Variants in CNTN5 observed in about 807,000 individuals in gnomAD.
CNTN5 encodes the protein contactin-5.
CNTN5 carries 77 observed loss-of-function variants against 129.1 expected under a neutral mutation model. That is an observed-to-expected ratio of 0.60 (90% CI 0.50 to 0.72). The LOEUF is 0.72. Among genes scored for constraint, CNTN5 ranks in the 30% least tolerant of loss-of-function variants. The pLI is 0.00. For synonymous variants in CNTN5, 509 were observed against 465.6 expected (o/e 1.09, Z -1.20); for missense variants, 1,478 against 1,328.8 (o/e 1.11, Z -1.75).
intron 7 of CNTN5, among the ~76,000 whole-genome samples, chr11:99,948,647 T>G (rs1950605295): frequency 6.6e-6 from 1 of 152,214 alleles, no homozygotes; most frequent in South Asian, 2.1e-4. Flanking sequence ...ATTCTTAAGT[T>G]ATTGGCAACT....
chr11:99,916,622 T>C (rs1260147674), intron 7 of CNTN5, among the ~76,000 whole-genome samples: 1 of 152,132 alleles, frequency 6.6e-6, no homozygotes, highest in East Asian at 1.9e-4. Context: ...AAAACTGCAA[T>C]TTAGTTAGTA....
intron 9 of CNTN5, among the ~76,000 whole-genome samples, chr11:100,050,486 G>T (rs1209834706): frequency 6.6e-6 from 1 of 151,802 alleles, no homozygotes; most frequent in East Asian, 1.9e-4. Flanking sequence ...GGGGTGGGGA[G>T]AGGGGGGAGG....
At chr11:100,291,675 G>T (rs1374858540) in intron 18 of CNTN5, among the ~76,000 whole-genome samples, 1 of 150,814 alleles carries the variant, frequency 6.6e-6, no homozygotes, top group Middle Eastern at 3.4e-3. Context: ...TGGGTGCAGC[G>T]CACCAGCATG....
chr11:99,087,380 G>T (rs754581322), intron 1 of CNTN5, among the ~76,000 whole-genome samples: 9 of 151,940 alleles, frequency 5.9e-5, no homozygotes, highest in Non-Finnish European at 1.0e-4. Context: ...GTTCTTCCTT[G>T]GGCCATTTAT....
intron 2 of CNTN5, among the ~76,000 whole-genome samples, chr11:99,543,961 G>T (rs1162506279): frequency 6.7e-6 from 1 of 150,190 alleles, no homozygotes; most frequent in African/African-American, 2.4e-5. Context: ...ATAAAGTAGG[G>T]GTAGTATTAC....
chr11:99,153,256 C>T (rs983393010), intron 1 of CNTN5, among the ~76,000 whole-genome samples: 1 of 152,106 alleles, frequency 6.6e-6, no homozygotes, highest in Admixed American at 6.5e-5. Context: ...TGGTTGCTTT[C>T]TTTCTTCTTT....
intron 1 of CNTN5, among the ~76,000 whole-genome samples, chr11:99,061,208 A>T (rs1347643830): frequency 6.6e-6 from 1 of 152,136 alleles, no homozygotes; most frequent in Non-Finnish European, 1.5e-5. Context: ...GGAGAGGGAA[A>T]CACTTTGCAT....
intron 6 of CNTN5, among the ~76,000 whole-genome samples, chr11:99,867,956 T>C: frequency 6.6e-6 from 1 of 152,184 alleles, no homozygotes; most frequent in East Asian, 1.9e-4. Context: ...GGCTCACACC[T>C]GTAATCCCAG....
chr11:99,893,574 G>C (rs750672209), intron 6 of CNTN5, among the ~76,000 whole-genome samples: 2 of 152,148 alleles, frequency 1.3e-5, no homozygotes, highest in Non-Finnish European at 2.9e-5. Flanking sequence ...TCTCTCACAA[G>C]CTGATGCCTC....
intron 6 of CNTN5, among the ~76,000 whole-genome samples, chr11:99,863,638 A>G (rs1479160560): frequency 2.0e-5 from 3 of 152,180 alleles, no homozygotes; most frequent in African/African-American, 7.2e-5. Context: ...AAGAAGGCCT[A>G]CCTTTAGAAA....
intron 2 of CNTN5, among the ~76,000 whole-genome samples, chr11:99,493,103 C>T (rs10893410): frequency 0.29 from 44,341 of 152,108 alleles, 6,851 homozygotes; most frequent in East Asian, 0.43. Flanking sequence ...GCACCATATT[C>T]TGAGATAGCA....
intron 13 of CNTN5, among the ~76,000 whole-genome samples, chr11:100,102,621 AG>A (rs1368599280): frequency 6.6e-6 from 1 of 152,152 alleles, no homozygotes; most frequent in African/African-American, 2.4e-5. Flanking sequence ...AACTGATAAA[AG>A]AATAATTTAG....
Position 100,074,290 on chromosome 11 carries a change from A to C in CNTN5, c.1576A>C (p.Lys526Gln). 1 of 1,590,408 alleles carries C rather than the reference A, an allele frequency of 6.3e-7. No individual in the cohort carries two copies. The highest frequency in any genetic ancestry group is 2.3e-5 in the East Asian group (1 of 44,064). ...AGGAGACAGAGCAGTTAGAGAAAAC[A>C]AAAGGTTAGAATCTATTTTATAATT... ...KKGDRAVRENKRIAILPDGSL... is the reference protein window; with the variant it reads ...KKGDRAVRENQRIAILPDGSL... Residue 526 changes from lysine to glutamine, a missense_variant, in exon 13 of 25, where the codon AAA becomes CAA. Physicochemically the swap from Lys to Gln is moderately conservative, Grantham distance 53. Coordinates refer to ENST00000524871, the MANE Select transcript of CNTN5 (RefSeq NM_014361.4).
intron 2 of CNTN5, among the ~76,000 whole-genome samples, chr11:99,435,452 C>G (rs1420569629): frequency 2.0e-5 from 3 of 152,162 alleles, no homozygotes; most frequent in African/African-American, 7.2e-5. Context: ...CTAGCAGTGA[C>G]AGGGAGAGCT....
chr11:99,674,559 G>C (rs191881666), intron 3 of CNTN5, among the ~76,000 whole-genome samples: 52 of 152,210 alleles, frequency 3.4e-4, no homozygotes, highest in Admixed American at 2.9e-3. Context: ...TCTTCACACA[G>C]AACCTCTGGT....
Position 100,213,549 on chromosome 11 carries a change from T to C in CNTN5, c.1885-11143T>C, listed in dbSNP as rs543679004. On this transcript the variant is annotated intron_variant, in intron 15 of 24. Transcript: ENST00000524871. ...TTCAATGCCTAGCTAAGACTTGTTATTTAAAATGAGTTTTCTGTGGCTGTG... is the reference window on the plus strand; with the variant it reads ...TTCAATGCCTAGCTAAGACTTGTTACTTAAAATGAGTTTTCTGTGGCTGTG... Among the ~76,000 whole-genome samples, 46 of 152,328 alleles carry C rather than the reference T, an allele frequency of 3.0e-4. 1 individual carries two copies. The highest frequency in any genetic ancestry group is 4.9e-4 in the Non-Finnish European group (33 of 68,002).
intron 6 of CNTN5, among the ~76,000 whole-genome samples, chr11:99,845,624 G>T (rs536748369): frequency 1.3e-5 from 2 of 151,872 alleles, no homozygotes; most frequent in East Asian, 3.9e-4. Flanking sequence ...CGCCCGCCTC[G>T]GCCTCCCAAA....
At chr11:99,165,237 A>T (rs1860815793) in intron 1 of CNTN5, among the ~76,000 whole-genome samples, 1 of 152,222 alleles carries the variant, frequency 6.6e-6, no homozygotes, top group Non-Finnish European at 1.5e-5. Context: ...AACACAGTTG[A>T]AAGTTAAGTT....
rs556397744 is a variant in CNTN5, at chr11:100,281,828, T to G, written c.2314+10587T>G. On this transcript the variant is annotated intron_variant, in intron 18 of 24. Transcript: ENST00000524871. ...TTTTCAAATAGCCTATCTTAAAGTTTACTAATTCTTTCTTCTGCTAGATCA... is the reference window on the plus strand; with the variant it reads ...TTTTCAAATAGCCTATCTTAAAGTTGACTAATTCTTTCTTCTGCTAGATCA... Among the ~76,000 whole-genome samples the G allele has an allele frequency of 1.6e-4, 24 of 152,270 alleles. No individual in the cohort carries two copies. In the South Asian group the frequency reaches 4.8e-3, roughly 30 times the overall value.
Sources: allele counts gnomAD v4.1 joint callset (sites outside exome capture counted in the v4.1 genomes callset), GRCh38; gene constraint gnomAD v4.1.1; transcripts MANE v1.5; gene names NCBI Gene and HGNC (gene_info 2026-07-23, HGNC 2026-07-21).